ELF1: variants seen among roughly 807,000 people sequenced by gnomAD.
ELF1 encodes ETS-related transcription factor Elf-1.
ELF1 carries 24 observed loss-of-function variants against 59.9 expected under a neutral mutation model. The ratio of observed to expected loss-of-function variants is 0.40; its 90% CI spans 0.29 to 0.56. The LOEUF (loss-of-function observed/expected upper bound fraction) is 0.56. Among genes scored for constraint, ELF1 ranks in the 20% least tolerant of loss-of-function variants. The pLI, the probability that ELF1 is intolerant of heterozygous loss-of-function variation, is 0.44. For synonymous variants in ELF1, 248 were observed against 266.2 expected (o/e 0.93, Z 0.67); for missense variants, 627 against 742.2 (o/e 0.84, Z 1.80).
intron 1 of ELF1, 59 bp from the exon 2 acceptor site, chr13:40,982,341 A>C (rs1199153398): frequency 8.9e-7 from 1 of 1,128,564 alleles, no homozygotes; most frequent in East Asian, 4.6e-5. Flanking sequence ...AGGATATAAT[A>C]ACTGATACAG....
At chr13:41,023,542 G>A (rs989259782), upstream of ELF1, among the ~76,000 whole-genome samples, 1 of 152,186 alleles carries the variant, frequency 6.6e-6, no homozygotes, top group Non-Finnish European at 1.5e-5. Flanking sequence ...TGATGTTAAT[G>A]CCTCTCAAAA....
chr13:40,932,583 A>G lies in ELF1; in HGVS notation c.*842T>C, dbSNP rs1030918437. Reference sequence around the variant, plus strand: ...AGAATTTATGGCAGATCTTACCCATAACAGATGAATAAATTTTGTTGGGTC... The same window carrying G: ...AGAATTTATGGCAGATCTTACCCATGACAGATGAATAAATTTTGTTGGGTC... On this transcript the variant is annotated 3_prime_UTR_variant, in exon 9 of 9. Transcript: ENST00000239882. 1 of 152,204 alleles carries G rather than the reference A, an allele frequency of 6.6e-6. No homozygotes were observed. The highest frequency in any genetic ancestry group is 1.5e-5 in the Non-Finnish European group (1 of 68,034). 9.4% of individuals were successfully genotyped at this position (152,204 alleles called of 1,614,324 possible).
chr13:41,049,154 C>T (rs1156878394), intron 1 of ELF1, among the ~76,000 whole-genome samples: 2 of 152,190 alleles, frequency 1.3e-5, no homozygotes, highest in Non-Finnish European at 2.9e-5. Flanking sequence ...AGCTCAAAGT[C>T]TTCTTCTTAC....
intron 1 of ELF1, among the ~76,000 whole-genome samples, chr13:40,996,650 C>T (rs563711923): frequency 1.3e-5 from 2 of 152,142 alleles, no homozygotes; most frequent in Admixed American, 6.5e-5. Flanking sequence ...GTGCACCGCT[C>T]TGGTGCAGGT....
intron 1 of ELF1, among the ~76,000 whole-genome samples, chr13:41,050,326 G>A (rs1386005332): frequency 6.6e-6 from 1 of 152,158 alleles, no homozygotes; most frequent in Non-Finnish European, 1.5e-5. Flanking sequence ...GTAGCATGTT[G>A]TCAGAATTTC....
At chr13:40,944,157 G>C (rs1332353949) in intron 5 of ELF1, among the ~76,000 whole-genome samples, 1 of 152,140 alleles carries the variant, frequency 6.6e-6, no homozygotes, top group African/African-American at 2.4e-5. Context: ...TGATACCTTT[G>C]ACACCTCAGT....
At chr13:40,947,838 T>C (rs1358272702) in intron 5 of ELF1, among the ~76,000 whole-genome samples, 1 of 152,204 alleles carries the variant, frequency 6.6e-6, no homozygotes. Flanking sequence ...TCTCTAAGAA[T>C]CACACATAAC....
At chr13:41,053,745 A>G (rs1265302507) in intron 1 of ELF1, among the ~76,000 whole-genome samples, 1 of 152,238 alleles carries the variant, frequency 6.6e-6, no homozygotes, top group Non-Finnish European at 1.5e-5. Context: ...TGCAGTGAGC[A>G]AATAAGTATT....
chr13:41,046,506 C>T (rs1349738160), intron 1 of ELF1, among the ~76,000 whole-genome samples: 2 of 152,148 alleles, frequency 1.3e-5, no homozygotes, highest in East Asian at 3.8e-4. Context: ...TCAGCATTTG[C>T]TTGTCTGTAA....
intron 1 of ELF1, among the ~76,000 whole-genome samples, chr13:41,050,686 G>A (rs1233211957): frequency 6.6e-6 from 1 of 152,114 alleles, no homozygotes; most frequent in African/African-American, 2.4e-5. Flanking sequence ...AAGTAGCTGG[G>A]ACTACAGGCA....
At chr13:40,987,016 AGCTCCG>A (rs1477885072) in intron 1 of ELF1, among the ~76,000 whole-genome samples, 2 of 138,806 alleles carry the variant, frequency 1.4e-5, no homozygotes, top group African/African-American at 5.5e-5. Flanking sequence ...GCTCATTGCA[AGCTCCG>A]CCTCCCGGGT....
intron 2 of ELF1, among the ~76,000 whole-genome samples, chr13:40,979,176 A>C (rs1873106270): frequency 6.6e-6 from 1 of 150,536 alleles, no homozygotes; most frequent in Non-Finnish European, 1.5e-5. Flanking sequence ...TCTGTTTTTA[A>C]TAACCCTACA....
chr13:41,048,389 G>A (rs111482557), intron 1 of ELF1, among the ~76,000 whole-genome samples: 52 of 152,264 alleles, frequency 3.4e-4, no homozygotes, highest in African/African-American at 1.2e-3. Flanking sequence ...CTGTAGACTG[G>A]AGCTGTTCTT....
chr13:40,960,836 T>G (rs1311051553), intron 2 of ELF1, among the ~76,000 whole-genome samples: 1 of 152,188 alleles, frequency 6.6e-6, no homozygotes, highest in African/African-American at 2.4e-5. Context: ...ACTATGTAAA[T>G]TTTATGTTTC....
chr13:41,035,844 A>AACAAC (rs1566195938), intron 1 of ELF1, among the ~76,000 whole-genome samples: 2 of 148,648 alleles, frequency 1.3e-5, no homozygotes, highest in Non-Finnish European at 3.0e-5. Flanking sequence ...GTTAAAAAAA[A>AACAAC]AACAACAACA....
At chr13:40,983,707 A>G (rs1873408169) in intron 1 of ELF1, among the ~76,000 whole-genome samples, 1 of 152,130 alleles carries the variant, frequency 6.6e-6, no homozygotes. Context: ...AAGTGTTTTG[A>G]TTTAAATTGA....
intron 2 of ELF1, among the ~76,000 whole-genome samples, chr13:40,976,401 T>C (rs943682683): frequency 1.3e-5 from 2 of 152,254 alleles, no homozygotes; most frequent in Admixed American, 1.3e-4. Context: ...TTCCCAAAGT[T>C]GCAGTGCAGT....
At chr13:40,940,884 A>T (rs763982880) in intron 8 of ELF1, 37 bp downstream of exon 8, 10 of 1,561,024 alleles carry the variant, frequency 6.4e-6, no homozygotes, top group Non-Finnish European at 8.7e-6. Context: ...TCAGAAACAT[A>T]TTGAAGTGAT....
In ELF1 at chr13:40,949,560, G is replaced by C. The variant is rs574900137; in HGVS notation, c.529+246C>G. Among the ~76,000 whole-genome samples, 3 of 151,628 alleles carry C rather than the reference G, an allele frequency of 2.0e-5. No individual in the cohort carries two copies. The South Asian group carries it at 6.2e-4, about 32-fold the overall frequency. On this transcript the variant is annotated intron_variant, in intron 5 of 8. Coordinates refer to ENST00000239882, the MANE Select transcript of ELF1 (RefSeq NM_172373.4). ...TGTAGAGATGAGGTCTTGCTTTGTT[G>C]CCCAGGCTGGTCTCAAACTCCTGGC...
Sources: gnomAD v4.1 joint callset for allele counts (sites outside exome capture counted in the v4.1 genomes callset) on GRCh38, gnomAD v4.1.1 for gene constraint, MANE v1.5 for transcripts, NCBI Gene and HGNC (gene_info 2026-07-23, HGNC 2026-07-21) for gene names.